Variants in PDE8A observed in about 807,000 individuals in gnomAD.
PDE8A encodes high affinity cAMP-specific and IBMX-insensitive 3',5'-cyclic phosphodiesterase 8A.
PDE8A carries 59 observed loss-of-function variants against 105.0 expected under a neutral mutation model. That is an observed-to-expected ratio of 0.56 (90% CI 0.46 to 0.70). The LOEUF (loss-of-function observed/expected upper bound fraction) is 0.70. PDE8A is among the 30% of genes least tolerant of loss of function. The probability of loss-of-function intolerance (pLI) is 0.00; values close to 1 mark genes in which losing one functional copy is unlikely to be tolerated. For missense variants in PDE8A, 1,014 were observed against 1,045.9 expected (o/e 0.97, Z 0.42); for synonymous variants, 355 against 371.9 (o/e 0.95, Z 0.52).
intron 11 of PDE8A, among the ~76,000 whole-genome samples, chr15:85,101,227 A>G (rs951838223): frequency 6.6e-6 from 1 of 152,188 alleles, no homozygotes; most frequent in Non-Finnish European, 1.5e-5. Flanking sequence ...CACAGTTTTT[A>G]TGGGTGCCCC....
At chr15:85,024,189 C>T (rs2080474378) in intron 1 of PDE8A, among the ~76,000 whole-genome samples, 1 of 152,080 alleles carries the variant, frequency 6.6e-6, no homozygotes, top group Non-Finnish European at 1.5e-5. Context: ...TCCCTATGTT[C>T]CTTATGCTTA....
At chr15:85,102,524 T>G (rs1203266709) in intron 11 of PDE8A, among the ~76,000 whole-genome samples, 1 of 143,312 alleles carries the variant, frequency 7.0e-6, no homozygotes, top group Non-Finnish European at 1.5e-5. Context: ...TTGTAAGCAT[T>G]TTTTTTTTTT....
At chr15:85,007,945 A>T (rs1319710185) in intron 1 of PDE8A, among the ~76,000 whole-genome samples, 1 of 152,080 alleles carries the variant, frequency 6.6e-6, no homozygotes, top group African/African-American at 2.4e-5. Context: ...TCATAGTCAG[A>T]ATTAAAGGGA....
intron 13 of PDE8A, 86 bp downstream of exon 13, chr15:85,113,533 C>T: frequency 5.2e-6 from 6 of 1,155,894 alleles, no homozygotes; most frequent in Non-Finnish European, 2.6e-6. Context: ...GAAACAGGGA[C>T]CCGCAGTAAT....
chr15:85,102,674 T>C (rs997407621), intron 11 of PDE8A, among the ~76,000 whole-genome samples: 5 of 151,632 alleles, frequency 3.3e-5, no homozygotes, highest in Non-Finnish European at 7.4e-5. Context: ...ACCTCGTCTC[T>C]ACTAAAAATA....
At chr15:85,137,418 G>T (rs1398354152) in intron 21 of PDE8A, among the ~76,000 whole-genome samples, 1 of 151,570 alleles carries the variant, frequency 6.6e-6, no homozygotes, top group South Asian at 2.1e-4. Context: ...TGAAGCATGC[G>T]TGAAGGGACA....
intron 8 of PDE8A, among the ~76,000 whole-genome samples, chr15:85,093,841 T>A (rs921117797): frequency 6.6e-6 from 1 of 151,500 alleles, no homozygotes; most frequent in Non-Finnish European, 1.5e-5. Context: ...AACTTTATAT[T>A]GTCAATTCTC....
chr15:85,072,570 A>G (rs1012958806), intron 3 of PDE8A, among the ~76,000 whole-genome samples: 1 of 152,170 alleles, frequency 6.6e-6, no homozygotes, highest in Non-Finnish European at 1.5e-5. Context: ...TGGAATGTGG[A>G]CATTATGGCT....
At chr15:85,093,862 C>CTTTTTT (rs61045649) in intron 8 of PDE8A, among the ~76,000 whole-genome samples, 1 of 148,024 alleles carries the variant, frequency 6.8e-6, no homozygotes, top group Non-Finnish European at 1.5e-5. Flanking sequence ...TTTTAGAGAT[C>CTTTTTT]TTTTTTTTTT....
intron 11 of PDE8A, among the ~76,000 whole-genome samples, chr15:85,106,519 C>T (rs909922473): frequency 6.6e-6 from 1 of 152,170 alleles, no homozygotes; most frequent in Non-Finnish European, 1.5e-5. Flanking sequence ...CATAAGTTCT[C>T]AGTCCAGGCT....
At position 85,129,064 on chromosome 15, in the gene PDE8A, T is replaced by C. The variant is rs1032187722; in HGVS notation, c.2253+2690T>C. Among the ~76,000 whole-genome samples the C allele has an allele frequency of 3.3e-5, 5 of 152,242 alleles. No homozygotes were observed. In the East Asian group the frequency reaches 9.6e-4, roughly 29 times the overall value. On this transcript the variant is annotated intron_variant, in intron 20 of 21. Transcript: ENST00000394553. ...CTCTTCATATGGTATATCACACTGA[T>C]CTTCATGTGCGGAACCAATCTTGCA...
chr15:84,995,502 G>A (rs182019351), intron 1 of PDE8A, among the ~76,000 whole-genome samples: 53 of 152,036 alleles, frequency 3.5e-4, no homozygotes, highest in Non-Finnish European at 7.1e-4. Context: ...AATTTTTTTT[G>A]TAGAGACAGG....
intron 1 of PDE8A, among the ~76,000 whole-genome samples, chr15:85,017,899 A>AAAAAAAAAAAG: frequency 6.7e-6 from 1 of 150,280 alleles, no homozygotes; most frequent in Non-Finnish European, 1.5e-5. Context: ...AAAAAAAAAA[A>AAAAAAAAAAAG]GCAATAGTGG....
intron 12 of PDE8A, among the ~76,000 whole-genome samples, chr15:85,111,287 G>A (rs1322569010): frequency 6.6e-6 from 1 of 152,022 alleles, no homozygotes. Context: ...TTAAGAAATC[G>A]TTCTTTATCC....
At chr15:85,072,393 T>C (rs1206286264) in intron 3 of PDE8A, among the ~76,000 whole-genome samples, 1 of 152,230 alleles carries the variant, frequency 6.6e-6, no homozygotes, top group Non-Finnish European at 1.5e-5. Flanking sequence ...CAGTATCCAT[T>C]TCTATTCTTT....
upstream of PDE8A, chr15:84,980,628 T>C (rs1353208819): frequency 6.6e-6 from 1 of 152,392 alleles, no homozygotes; most frequent in East Asian, 1.9e-4. Flanking sequence ...GGATACGTGA[T>C]GGACGCCCAG....
intron 6 of PDE8A, 106 bp downstream of exon 6, chr15:85,083,750 G>A (rs1450335141): frequency 3.5e-5 from 25 of 721,018 alleles, no homozygotes; most frequent in East Asian, 3.0e-4. Flanking sequence ...TGCAGAAATG[G>A]GATTGGAGAG....
At chr15:85,067,229 T>C in intron 3 of PDE8A, 25 bp downstream of exon 3, 2 of 1,563,452 alleles carry the variant, frequency 1.3e-6, no homozygotes, top group Non-Finnish European at 8.7e-7. Flanking sequence ...CGGGCCTAAA[T>C]AGTCCCATTG....
chr15:85,115,482 CA>C lies in PDE8A; in HGVS notation c.1399del (p.Asn467ThrfsTer9). 6.7e-7 allele frequency: 1 copy of C among 1,499,272 alleles called. No homozygotes were observed. Among genetic ancestry groups the C allele is most frequent in the Non-Finnish European group, 9.0e-7 (1 of 1,111,182 alleles). 92.9% of individuals were successfully genotyped at this position (1,499,272 alleles called of 1,614,324 possible). ...TCAGGGAATGAATATGTTCTTTCAA[CA>C]AAAAGTAAGTTTTTCCTTTTTAATT... The part of the protein sequence containing the change: ...RLSGNEYVLS[T>X]KNTQMVSSNI... On this transcript the variant is annotated frameshift_variant, in exon 15 of 22. Transcript: ENST00000394553. LOFTEE classifies it high-confidence loss of function.
Sources: allele counts gnomAD v4.1 joint callset (sites outside exome capture counted in the v4.1 genomes callset), GRCh38; gene constraint gnomAD v4.1.1; transcripts MANE v1.5; gene names NCBI Gene and HGNC (gene_info 2026-07-23, HGNC 2026-07-21).